RSF1: variants seen among roughly 807,000 people sequenced by gnomAD.
The protein encoded by RSF1 is HBV pX-associated protein 8.
In RSF1, 13 loss-of-function variants were observed where a neutral mutation model predicts 145.2. That is an observed-to-expected ratio of 0.09 (90% CI 0.06 to 0.14). RSF1 has a LOEUF of 0.14. Ranked by LOEUF, RSF1 falls within the 10% of genes least tolerant of loss-of-function variation. The probability of loss-of-function intolerance (pLI) is 1.00; values close to 1 mark genes in which losing one functional copy is unlikely to be tolerated. For synonymous variants in RSF1, 577 were observed against 592.6 expected, an observed-to-expected ratio of 0.97 and a Z score of 0.38; for missense variants, 1,517 against 1,718.2, an observed-to-expected ratio of 0.88 and a Z score of 2.07.
At chr11:77,856,117 C>CA in the RSF1 span, among the ~76,000 whole-genome samples, 5 of 151,426 alleles carry the variant, frequency 3.3e-5, no homozygotes, top group East Asian at 1.9e-4. Flanking sequence ...CACTCTGTCT[C>CA]AAAAAAAAGA....
the RSF1 span, among the ~76,000 whole-genome samples, chr11:77,837,830 A>G: frequency 6.6e-6 from 1 of 152,168 alleles, no homozygotes; most frequent in African/African-American, 2.4e-5. Context: ...CTGAGAAGAC[A>G]GATTGCTTGA....
chr11:77,696,009 A>G (rs951813805), intron 7 of RSF1, among the ~76,000 whole-genome samples: 1 of 152,156 alleles, frequency 6.6e-6, no homozygotes, highest in Non-Finnish European at 1.5e-5. Context: ...GCACACCATT[A>G]CAATGCATCA....
chr11:77,691,318 A>G (rs1238220104), intron 8 of RSF1, 80 bp from the exon 9 acceptor site: 6 of 1,233,560 alleles, frequency 4.9e-6, no homozygotes, highest in Non-Finnish European at 7.1e-6. Flanking sequence ...CTTCATGGGT[A>G]GTGGGCTCTG....
chr11:77,855,736 T>TC, the RSF1 span, among the ~76,000 whole-genome samples: 1 of 150,744 alleles, frequency 6.6e-6, no homozygotes, highest in Non-Finnish European at 1.5e-5. Flanking sequence ...TTTTTTTTTT[T>TC]TGCTCAAGAA....
chr11:77,746,725 G>A (rs556580656), intron 3 of RSF1, among the ~76,000 whole-genome samples: 13 of 152,166 alleles, frequency 8.5e-5, no homozygotes, highest in Admixed American at 2.6e-4. Context: ...TTAGTAAATC[G>A]GTAAAAAATT....
At chr11:77,695,701 C>G (rs1960262726) in intron 7 of RSF1, among the ~76,000 whole-genome samples, 2 of 152,104 alleles carry the variant, frequency 1.3e-5, no homozygotes, top group Admixed American at 1.3e-4. Context: ...AGCTCCTTTA[C>G]TGGATAATGG....
intron 7 of RSF1, among the ~76,000 whole-genome samples, chr11:77,694,351 T>G (rs1960232727): frequency 6.6e-6 from 1 of 152,162 alleles, no homozygotes; most frequent in Non-Finnish European, 1.5e-5. Context: ...CTTTTTATCA[T>G]GTAAATTCAA....
chr11:77,869,305 TC>T, the RSF1 span: 5 of 149,602 alleles, frequency 3.3e-5, no homozygotes, highest in Non-Finnish European at 6.7e-5. Context: ...TTTATTTATC[TC>T]TTTTTCTTTT....
intron 2 of RSF1, among the ~76,000 whole-genome samples, chr11:77,750,302 TA>T (rs1340868053): frequency 1.3e-5 from 2 of 152,210 alleles, no homozygotes; most frequent in African/African-American, 4.8e-5. Flanking sequence ...ATTTAGGCAC[TA>T]TAGGCCATAG....
chr11:77,781,810 T>A (rs1408360888), intron 1 of RSF1, among the ~76,000 whole-genome samples: 28 of 152,208 alleles, frequency 1.8e-4, no homozygotes, highest in Non-Finnish European at 4.1e-4. Context: ...TTGTATATGT[T>A]TTTTAAGTTG....
chr11:77,807,764 G>C (rs66895426), intron 1 of RSF1, among the ~76,000 whole-genome samples: 26,882 of 152,140 alleles, frequency 0.18, 2,956 homozygotes, highest in African/African-American at 0.29. Flanking sequence ...GCCTAGGCAT[G>C]AGTATTTTTC....
chr11:77,823,744 A>G (rs61900167), upstream of RSF1, among the ~76,000 whole-genome samples: 1,776 of 152,220 alleles, frequency 0.012, 16 homozygotes, highest in South Asian at 0.024. Flanking sequence ...AAAGCCAGGT[A>G]CAGGATATTT....
At chr11:77,686,014 A>G (rs17135811) in intron 9 of RSF1, among the ~76,000 whole-genome samples, 27,057 of 152,126 alleles carry the variant, frequency 0.18, 3,037 homozygotes, top group African/African-American at 0.3. Flanking sequence ...CTAGAAGGCC[A>G]CAGCTGAAGA....
chr11:77,678,362 G>A (rs1165711531), intron 11 of RSF1, among the ~76,000 whole-genome samples: 4 of 152,060 alleles, frequency 2.6e-5, no homozygotes, highest in African/African-American at 7.2e-5. Flanking sequence ...GACTACAGAC[G>A]CGTGCCACCA....
intron 5 of RSF1, among the ~76,000 whole-genome samples, chr11:77,707,441 T>C (rs1164071273): frequency 2.0e-5 from 3 of 152,196 alleles, no homozygotes; most frequent in Non-Finnish European, 4.4e-5. Context: ...GATGCTAAGG[T>C]ATACTGCATT....
chr11:77,694,157 C>T (rs1960228032), intron 7 of RSF1, among the ~76,000 whole-genome samples: 2 of 152,262 alleles, frequency 1.3e-5, no homozygotes, highest in South Asian at 4.2e-4. Flanking sequence ...GCCTTTCTGA[C>T]CTAGAGTTAG....
intron 1 of RSF1, among the ~76,000 whole-genome samples, chr11:77,791,995 T>C (rs1384634199): frequency 6.6e-6 from 1 of 152,208 alleles, no homozygotes; most frequent in African/African-American, 2.4e-5. Flanking sequence ...ACCAAGTTAC[T>C]GTATTACTCT....
intron 7 of RSF1, among the ~76,000 whole-genome samples, chr11:77,694,964 G>A (rs1297858311): frequency 1.3e-5 from 2 of 152,130 alleles, no homozygotes; most frequent in Non-Finnish European, 2.9e-5. Context: ...CTACAGAGGG[G>A]AAATGCCCTG....
At chr11:77,740,310 G>A (rs1961477402) in intron 4 of RSF1, among the ~76,000 whole-genome samples, 1 of 152,234 alleles carries the variant, frequency 6.6e-6, no homozygotes, top group East Asian at 1.9e-4. Context: ...GGGAGATGGA[G>A]GTTACAGTGA....
Sources: gnomAD v4.1 joint callset for allele counts (sites outside exome capture counted in the v4.1 genomes callset) on GRCh38, gnomAD v4.1.1 for gene constraint, MANE v1.5 for transcripts, NCBI Gene and HGNC (gene_info 2026-07-23, HGNC 2026-07-21) for gene names.